HECTD4: variants seen among roughly 807,000 people sequenced by gnomAD.
HECTD4 encodes probable E3 ubiquitin-protein ligase HECTD4.
In HECTD4, 114 loss-of-function variants were observed where a neutral mutation model predicts 471.5. The observed-to-expected ratio is 0.24, with a 90% confidence interval of 0.21 to 0.28. The LOEUF (loss-of-function observed/expected upper bound fraction) is 0.28. Ranked by LOEUF, HECTD4 falls within the 10% of genes least tolerant of loss-of-function variation. The pLI is 1.00. For synonymous variants in HECTD4, 2,012 were observed against 2,256.0 expected (o/e 0.89, Z 3.07); for missense variants, 3,866 against 5,651.5 (o/e 0.68, Z 10.13).
Position 112,235,996 on chromosome 12 carries a change from A to G in HECTD4, c.5445-212T>C, listed in dbSNP as rs2033494543. Among the ~76,000 whole-genome samples the G allele has an allele frequency of 6.6e-6, 1 of 152,128 alleles. No homozygotes were observed. Among genetic ancestry groups the G allele is most frequent in the African/African-American group, 2.4e-5 (1 of 41,416 alleles). On this transcript the variant is annotated intron_variant, in intron 35 of 75. Transcript: ENST00000682272. The surrounding 1 kb of genome is among the most constrained non-coding windows in gnomAD (Gnocchi z 5.0). The stretch of plus-strand genomic sequence containing the variant: ...TACTTAAAAAGAAAGATTTTTGAAT[A>G]TTTTCTGATCTCTGATGTTTACTTG...
At position 112,322,107 on chromosome 12, in the gene HECTD4, T is replaced by TA. The variant is rs60268533; in HGVS notation, c.178-2366dup. 4.5e-3 allele frequency: 541 copies of TA among 121,278 alleles called. 5 individuals carry two copies. The highest frequency in any genetic ancestry group is 4.1e-3 in the South Asian group (16 of 3,870). 7.5% of individuals were successfully genotyped at this position (121,278 alleles called of 1,614,324 possible). A position where few individuals can be genotyped will look rare whatever the true frequency, so the allele number is the denominator to read the frequency against. On this transcript the variant is annotated intron_variant, in intron 1 of 75. Coordinates refer to ENST00000682272, the MANE Select transcript of HECTD4 (RefSeq NM_001388303.1). ...AGCAACATAGTAAGACCTTGTCTGC[T>TA]AAAAAAAAAAAAAAAGAAGAAAGAA...
chr12:112,378,601 C>T (rs749616898), intron 1 of HECTD4, among the ~76,000 whole-genome samples: 1 of 152,124 alleles, frequency 6.6e-6, no homozygotes, highest in Non-Finnish European at 1.5e-5. Flanking sequence ...TCCCGTTCCT[C>T]ATAATCCGAA....
chr12:112,214,547 T>C (rs1410428782), intron 48 of HECTD4, among the ~76,000 whole-genome samples: 11 of 152,164 alleles, frequency 7.2e-5, no homozygotes, highest in Non-Finnish European at 4.4e-5. Context: ...ACAGATTGGG[T>C]TCTAATTCCT....
intron 60 of HECTD4, among the ~76,000 whole-genome samples, chr12:112,189,520 C>T (rs966171396): frequency 8.2e-6 from 1 of 122,032 alleles, no homozygotes; most frequent in African/African-American, 3.2e-5. Flanking sequence ...TACTGCACTC[C>T]AGACTGGGCG....
chr12:112,200,926 G>C lies in HECTD4; in HGVS notation c.8407-128C>G. 4 of 789,590 alleles carry C rather than the reference G, an allele frequency of 5.1e-6. No homozygotes were observed. The South Asian group carries it at 7.2e-5, about 14-fold the overall frequency. The allele number at this position is 789,590 out of a possible 1,614,324, so 48.9% of individuals were successfully genotyped here. A position where few individuals can be genotyped will look rare whatever the true frequency, so the allele number is the denominator to read the frequency against. On this transcript the variant is annotated intron_variant, in intron 54 of 75. Coordinates refer to ENST00000682272, the MANE Select transcript of HECTD4 (RefSeq NM_001388303.1). ...GTGTGTGTGTGTATTTTCAGTCCAG[G>C]CTTTTAGGTATTATAATTTGTAACT... is the stretch of plus-strand genomic sequence containing the variant.
At chr12:112,334,552 TG>T (rs1389573698) in intron 1 of HECTD4, among the ~76,000 whole-genome samples, 1 of 145,980 alleles carries the variant, frequency 6.9e-6, no homozygotes, top group African/African-American at 2.6e-5. Flanking sequence ...CCCAGCACTT[TG>T]GGAGGCCGAG....
chr12:112,302,151 A>C (rs769240872), intron 7 of HECTD4: 309 of 1,062,576 alleles, frequency 2.9e-4, no homozygotes, highest in Non-Finnish European at 4.1e-4. Context: ...ATTTTACAAC[A>C]CAGGGCAGGC....
intron 32 of HECTD4, among the ~76,000 whole-genome samples, chr12:112,240,567 T>C (rs1337854388): frequency 6.6e-6 from 1 of 151,864 alleles, no homozygotes; most frequent in African/African-American, 2.4e-5. Flanking sequence ...CTCCCACCTC[T>C]GCCTCCCAAG....
Position 112,193,476 on chromosome 12 carries a change from A to G in HECTD4, c.8948T>C (p.Phe2983Ser). Residue 2983 changes from phenylalanine (F) to serine (S), a missense_variant, in exon 57 of 76, where the codon TTC (phenylalanine) becomes TCC (serine). Phe to Ser is a radical substitution (Grantham distance 155). Transcript: ENST00000682272. This position sits in a 1 kb window ranked among gnomAD's most constrained non-coding sequence, Gnocchi z 5.2. ...LLELTKQICSFLQTAPEQFPS... is the reference protein window; with the variant it reads ...LLELTKQICSSLQTAPEQFPS... ...TGAGCTTTAGACTTCTACCTGCAGG[A>G]AAGAGCAGATCTGTTTCGTCAGCTC... 3.1e-6 allele frequency: 5 copies of G among 1,607,902 alleles called. No individual in the cohort carries two copies. The highest frequency in any genetic ancestry group is 4.2e-6 in the Non-Finnish European group (5 of 1,177,170).
intron 1 of HECTD4, among the ~76,000 whole-genome samples, chr12:112,327,874 C>A (rs1031037605): frequency 1.3e-5 from 2 of 152,030 alleles, no homozygotes; most frequent in Admixed American, 6.6e-5. Context: ...TGGGAAAGAC[C>A]CTGCAGATAT....
intron 67 of HECTD4, 82 bp from the exon 68 acceptor site, chr12:112,171,345 T>A: frequency 6.5e-7 from 1 of 1,535,870 alleles, no homozygotes. Flanking sequence ...GGCAACCCTA[T>A]CACTGCGAAC....
In HECTD4 at chr12:112,193,523, G is replaced by C. The variant is rs377632584; in HGVS notation, c.8901C>G (p.His2967Gln). ...WLNVAITRTL[H>Q]QGEESLLELT... ...GCTCTAAAAGGCTCTCCTCGCCCTG[G>C]TGCAGGGTCCGGGTGATGGCCACGT... The change falls in exon 57 of 76, where the codon CAC (histidine) becomes CAG (glutamine). Residue 2967 changes from histidine (H) to glutamine (Q), a missense_variant. Around this residue, in one of 16 missense-constraint regions of HECTD4, gnomAD observed 364 missense variants for 413.2 expected, o/e 0.88. Transcript: ENST00000682272. The surrounding 1 kb of genome is among the most constrained non-coding windows in gnomAD (Gnocchi z 5.2). 80 of 1,612,514 alleles carry C rather than the reference G, an allele frequency of 5.0e-5. No homozygotes were observed. Among genetic ancestry groups the C allele is most frequent in the Non-Finnish European group, 6.6e-5 (78 of 1,179,330 alleles).
rs1356149268 is a variant in HECTD4, at chr12:112,167,924, G to A, written c.12209-7C>T. On this transcript the variant is annotated splice_polypyrimidine_tract_variant and splice_region_variant and intron_variant, in intron 70 of 75. Transcript: ENST00000682272. ...AAGTGGCGGAAAGAGCCGCCTGTAG[G>A]ACAGACGAGACACATGGGCACCTGG... 2 of 1,610,184 alleles carry A rather than the reference G, an allele frequency of 1.2e-6. No homozygotes were observed. The highest frequency in any genetic ancestry group is 8.5e-7 in the Non-Finnish European group (1 of 1,176,920).
intron 25 of HECTD4, among the ~76,000 whole-genome samples, chr12:112,249,290 G>T (rs2033827307): frequency 6.6e-6 from 1 of 151,068 alleles, no homozygotes; most frequent in African/African-American, 2.4e-5. Flanking sequence ...GGAGACAGAG[G>T]TTGTAGTGAG....
intron 64 of HECTD4, among the ~76,000 whole-genome samples, chr12:112,177,669 C>T (rs953741212): frequency 2.6e-5 from 4 of 152,164 alleles, no homozygotes; most frequent in Admixed American, 2.0e-4. Context: ...CGTGAGCCAC[C>T]GCGCCCGGCC....
chr12:112,193,640 C>A lies in HECTD4; in HGVS notation c.8784G>T (p.Ala2928=), dbSNP rs758119260. ...AATGGATGCAATGCTGTAAAGACTG[C>A]GCCAGGAGGATCGAGCTGGAGCTGA... ...GTISSSSILL[A]QSLQHCIHSQ... is the part of the protein sequence containing the mutation. Residue 2928 remains alanine (A), a synonymous_variant, in exon 57 of 76, where the codon GCG becomes GCT. Transcript: ENST00000682272. The surrounding 1 kb of genome is among the most constrained non-coding windows in gnomAD (Gnocchi z 5.2). 1.9e-6 allele frequency: 3 copies of A among 1,612,692 alleles called. No individual in the cohort carries two copies. The highest frequency in any genetic ancestry group is 2.2e-5 in the East Asian group (1 of 44,850).
chr12:112,308,638 G>T, intron 6 of HECTD4, 115 bp downstream of exon 6: 1 of 951,292 alleles, frequency 1.1e-6, no homozygotes, highest in Non-Finnish European at 1.5e-6. Flanking sequence ...CAATTAAAAG[G>T]ATGCCACTCT....
rs771654598 is a variant in HECTD4 at position 112,239,159 on chromosome 12, T to C, written c.5183A>G (p.Glu1728Gly). The C allele has an allele frequency of 6.2e-6, 10 of 1,613,826 alleles. No homozygotes were observed. The South Asian group carries it at 9.9e-5, about 16-fold the overall frequency. Residue 1728 changes from glutamate to glycine, a missense_variant, in exon 34 of 76, where the codon GAG (glutamate) becomes GGG (glycine). This residue lies in a region of HECTD4 where 229 missense variants were observed against 386.4 expected (regional missense o/e 0.59). Transcript: ENST00000682272. This position sits in a 1 kb window ranked among gnomAD's most constrained non-coding sequence, Gnocchi z 4.9. Reference sequence around the variant, plus strand: ...GGTCTGTTTCTCACTGGAGCTGGACTCGGTCTGATTGCTCAAGCTACACAG... The same window carrying C: ...GGTCTGTTTCTCACTGGAGCTGGACCCGGTCTGATTGCTCAAGCTACACAG... ...DRLCSLSNQT[E>G]SSSSEKQTKK... is the part of the protein sequence containing the mutation.
At chr12:112,330,231 C>T (rs758230467) in intron 1 of HECTD4, among the ~76,000 whole-genome samples, 7 of 150,604 alleles carry the variant, frequency 4.6e-5, no homozygotes, top group Non-Finnish European at 8.9e-5. Flanking sequence ...GAGCTGAGAT[C>T]GCACCACTGC....
Sources: gnomAD v4.1 joint callset for allele counts (sites outside exome capture counted in the v4.1 genomes callset) on GRCh38, gnomAD v4.1.1 for gene constraint, gnomAD v4.1.1 regional missense constraint, Gnocchi (gnomAD v3.1) non-coding constraint, MANE v1.5 for transcripts, NCBI Gene and HGNC (gene_info 2026-07-23, HGNC 2026-07-21) for gene names.